The following ROR2 variants were observed in gnomAD, a reference collection of about 807,000 sequenced individuals.
ROR2 encodes the protein tyrosine-protein kinase transmembrane receptor ROR2.
Under a neutral mutation model 74.9 loss-of-function variants are expected in ROR2, and 33 were observed. The observed-to-expected ratio is 0.44, with a 90% CI of 0.33 to 0.59. The LOEUF (loss-of-function observed/expected upper bound fraction) is 0.59. Ranked by LOEUF, ROR2 falls within the 20% of genes least tolerant of loss-of-function variation. The pLI is 0.02. For missense variants in ROR2, 1,216 were observed against 1,313.8 expected, an observed-to-expected ratio of 0.93 and a Z score of 1.15; for synonymous variants, 586 against 558.7, an observed-to-expected ratio of 1.05 and a Z score of -0.69.
intron 1 of ROR2, among the ~76,000 whole-genome samples, chr9:91,818,075 T>C (rs1159763808): frequency 6.6e-6 from 1 of 152,184 alleles, no homozygotes; most frequent in African/African-American, 2.4e-5. Flanking sequence ...TTTTTGTAGT[T>C]TCTGCCAAAC....
At chr9:91,862,554 C>T (rs570468734) in intron 1 of ROR2, among the ~76,000 whole-genome samples, 1 of 152,148 alleles carries the variant, frequency 6.6e-6, no homozygotes, top group East Asian at 1.9e-4. Context: ...CCCAGCTACT[C>T]AGGAGGTTGA....
In ROR2 at chr9:91,727,991, G is replaced by A. The variant is rs1452712854; in HGVS notation, c.1184-1248C>T. ...CCCCTCTGAAAGGGTTCTGAGGCAG[G>A]TGTTCCAGAAATCTTCGGGGCACTG... On this transcript the variant is annotated intron_variant, in intron 7 of 8. Transcript: ENST00000375708. 3.3e-5 allele frequency among the ~76,000 whole-genome samples: 5 copies of A among 152,320 alleles called. No homozygotes were observed. The East Asian group carries it at 9.6e-4, about 29-fold the overall frequency.
chr9:91,756,158 C>T (rs890837650), intron 3 of ROR2, 57 bp from the exon 4 acceptor site: 3 of 1,574,546 alleles, frequency 1.9e-6, no homozygotes, highest in Non-Finnish European at 1.7e-6. Flanking sequence ...GGAATACAAC[C>T]TTCTTCAAAT....
intron 1 of ROR2, among the ~76,000 whole-genome samples, chr9:91,876,012 C>G (rs925063914): frequency 2.6e-5 from 4 of 151,388 alleles, no homozygotes; most frequent in Non-Finnish European, 5.9e-5. Flanking sequence ...ACCTGGCACT[C>G]AGGCATTTCT....
intron 1 of ROR2, among the ~76,000 whole-genome samples, chr9:91,831,967 A>G (rs1363727901): frequency 6.6e-6 from 1 of 152,180 alleles, no homozygotes; most frequent in Non-Finnish European, 1.5e-5. Flanking sequence ...CAAGTCAGAG[A>G]GCCCCAGACC....
At chr9:91,827,652 AG>A (rs1240931275) in intron 1 of ROR2, among the ~76,000 whole-genome samples, 1 of 152,212 alleles carries the variant, frequency 6.6e-6, no homozygotes, top group Non-Finnish European at 1.5e-5. Flanking sequence ...CGTTCCCTCA[AG>A]AGACTGGTCC....
intron 1 of ROR2, among the ~76,000 whole-genome samples, chr9:91,798,728 T>C (rs1419792877): frequency 6.6e-6 from 1 of 150,642 alleles, no homozygotes; most frequent in Non-Finnish European, 1.5e-5. Context: ...ATCTTGTCCA[T>C]GAATTTTTCA....
chr9:91,767,582 T>G (rs558536481), intron 2 of ROR2, among the ~76,000 whole-genome samples: 34 of 152,344 alleles, frequency 2.2e-4, no homozygotes, highest in African/African-American at 7.7e-4. Context: ...ATGGAAATCC[T>G]GAGAGCTGCA....
intron 1 of ROR2, among the ~76,000 whole-genome samples, chr9:91,924,776 C>G (rs1301740442): frequency 1.4e-5 from 2 of 145,886 alleles, no homozygotes; most frequent in African/African-American, 5.0e-5. Flanking sequence ...GAGCGAGACT[C>G]CATCTAAAAA....
intron 1 of ROR2, among the ~76,000 whole-genome samples, chr9:91,866,146 G>A (rs1184984741): frequency 6.6e-6 from 1 of 152,116 alleles, no homozygotes; most frequent in Non-Finnish European, 1.5e-5. Context: ...TTAAGATGGA[G>A]TCTCGCTCTG....
At chr9:91,761,842 C>A (rs779588452) in intron 2 of ROR2, among the ~76,000 whole-genome samples, 4 of 152,160 alleles carry the variant, frequency 2.6e-5, no homozygotes, top group Non-Finnish European at 5.9e-5. Flanking sequence ...AGACACTAGG[C>A]CCCTCCATCA....
At chr9:91,732,779 C>T (rs1837290763) in intron 6 of ROR2, among the ~76,000 whole-genome samples, 1 of 152,192 alleles carries the variant, frequency 6.6e-6, no homozygotes, top group Non-Finnish European at 1.5e-5. Flanking sequence ...CCTCTCATGC[C>T]CGCAACAGCC....
At chr9:91,736,710 A>G (rs1000620152) in intron 5 of ROR2, among the ~76,000 whole-genome samples, 1 of 152,178 alleles carries the variant, frequency 6.6e-6, no homozygotes, top group Non-Finnish European at 1.5e-5. Flanking sequence ...CCCGGACCCC[A>G]TCAATGTGTT....
At position 91,886,368 on chromosome 9, in the gene ROR2, G is replaced by A. The variant is rs897137441; in HGVS notation, c.97+63499C>T. The stretch of plus-strand genomic sequence containing the variant: ...CCAGGGTGCAGAGCTAGACAGAACT[G>A]GACCGACAGCGTGGGCCGGTAGACG... On this transcript the variant is annotated intron_variant, in intron 1 of 8. Transcript: ENST00000375708. Among the ~76,000 whole-genome samples, 3 of 152,266 alleles carry A rather than the reference G, an allele frequency of 2.0e-5. No homozygotes were observed. In the South Asian group the frequency reaches 6.2e-4, roughly 32 times the overall value.
Position 91,726,521 on chromosome 9 carries a change from A to C in ROR2, c.1386+20T>G. On this transcript the variant is annotated intron_variant, in intron 8 of 8. Transcript: ENST00000375708. ...AAACCTGGAAGAGCCACCCGGGTAGAAAATGTAAGGCATGGAGACCTGTTT... is the reference window on the plus strand; with the variant it reads ...AAACCTGGAAGAGCCACCCGGGTAGCAAATGTAAGGCATGGAGACCTGTTT... 6.2e-7 allele frequency: 1 copy of C among 1,610,316 alleles called. No homozygotes were observed. The highest frequency in any genetic ancestry group is 8.5e-7 in the Non-Finnish European group (1 of 1,179,236).
chr9:91,855,561 G>A (rs940598382), intron 1 of ROR2, among the ~76,000 whole-genome samples: 1 of 152,198 alleles, frequency 6.6e-6, no homozygotes, highest in South Asian at 2.1e-4. Flanking sequence ...CCTGCCCCCA[G>A]TGGCAGGGTA....
rs1372556852 is a variant in ROR2, at chr9:91,733,472, C to T, written c.623-36G>A. ...CGCGAGACTCGCGTTAGCGGGGGAC[C>T]CACCTTGCGCCCTTGACATTCATCC... On this transcript the variant is annotated intron_variant, in intron 5 of 8. Transcript: ENST00000375708. This position sits in a 1 kb window ranked among gnomAD's most constrained non-coding sequence, Gnocchi z 5.7. 6 of 1,587,616 alleles carry T rather than the reference C, an allele frequency of 3.8e-6. No individual in the cohort carries two copies. Among genetic ancestry groups the T allele is most frequent in the Non-Finnish European group, 1.7e-6 (2 of 1,170,294 alleles).
chr9:91,825,280 G>C (rs1828253112), intron 1 of ROR2, among the ~76,000 whole-genome samples: 1 of 152,180 alleles, frequency 6.6e-6, no homozygotes, highest in Non-Finnish European at 1.5e-5. Flanking sequence ...GATGCTCCCA[G>C]GTGCTAGGAG....
chr9:91,936,594 T>C (rs1013475569), intron 1 of ROR2, among the ~76,000 whole-genome samples: 3 of 152,210 alleles, frequency 2.0e-5, no homozygotes, highest in African/African-American at 2.4e-5. Flanking sequence ...TTTTGAGCAA[T>C]TCAACCAATA....
Sources: allele counts gnomAD v4.1 joint callset (sites outside exome capture counted in the v4.1 genomes callset), GRCh38; gene constraint gnomAD v4.1.1; non-coding constraint Gnocchi (gnomAD v3.1); transcripts MANE v1.5; gene names NCBI Gene and HGNC (gene_info 2026-07-23, HGNC 2026-07-21).